The following FHIT variants were observed in gnomAD, a reference collection of about 807,000 sequenced individuals.
FHIT encodes the protein fragile histidine triad diadenosine triphosphatase.
A neutral mutation model predicts 17.9 loss-of-function variants in FHIT; 19 were observed. The ratio of observed to expected loss-of-function variants is 1.06; its 90% CI spans 0.74 to 1.56. FHIT has a LOEUF of 1.56. Among genes scored for constraint, FHIT ranks in the 40% most tolerant of loss-of-function variants. FHIT has a pLI of 0.00. For synonymous variants in FHIT, 81 were observed against 69.7 expected (o/e 1.16, Z -0.81); for missense variants, 248 against 189.2 (o/e 1.31, Z -1.82).
At chr3:59,981,831 T>C (rs1708667844) in intron 7 of FHIT, among the ~76,000 whole-genome samples, 1 of 152,156 alleles carries the variant, frequency 6.6e-6, no homozygotes, top group Non-Finnish European at 1.5e-5. Context: ...AATCATTTTC[T>C]GGAATTCAAG....
intron 5 of FHIT, among the ~76,000 whole-genome samples, chr3:60,359,017 G>C (rs1699788046): frequency 6.6e-6 from 1 of 152,148 alleles, no homozygotes. Context: ...TAAAACAAAA[G>C]CTCATTAAGT....
At position 60,259,959 on chromosome 3, in the gene FHIT, C is replaced by A. The variant is rs1020440255; in HGVS notation, c.104-245807G>T. 2.2e-4 allele frequency among the ~76,000 whole-genome samples: 34 copies of A among 151,946 alleles called. 1 individual carries two copies. Among genetic ancestry groups the A allele is most frequent in the Admixed American group, 8.5e-4 (13 of 15,220 alleles). On this transcript the variant is annotated intron_variant, in intron 5 of 9. Transcript: ENST00000492590. ...AGAGGCTGGGACCTAGCAATGGATA[C>A]CCCTGTACCACTGGGCCCCTTCCAG... is the stretch of plus-strand genomic sequence containing the variant.
chr3:60,865,118 A>AAAAT (rs1704098999), intron 3 of FHIT, among the ~76,000 whole-genome samples: 1 of 152,208 alleles, frequency 6.6e-6, no homozygotes, highest in Non-Finnish European at 1.5e-5. Context: ...AGAATCCCCC[A>AAAAT]AAATAAATAA....
At chr3:61,063,477 T>C (rs1029689903) in intron 2 of FHIT, among the ~76,000 whole-genome samples, 2 of 152,100 alleles carry the variant, frequency 1.3e-5, no homozygotes. Flanking sequence ...TAAAAATATA[T>C]ACCAGAAGAG....
chr3:60,550,507 T>A (rs1452948866), intron 4 of FHIT, among the ~76,000 whole-genome samples: 4 of 151,956 alleles, frequency 2.6e-5, no homozygotes, highest in Admixed American at 2.6e-4. Context: ...TCAAAGAAAA[T>A]CCAAAACCTC....
intron 5 of FHIT, among the ~76,000 whole-genome samples, chr3:60,494,608 C>T (rs920163840): frequency 6.6e-6 from 1 of 152,160 alleles, no homozygotes; most frequent in Non-Finnish European, 1.5e-5. Flanking sequence ...CCCACACCTC[C>T]CTGCCCACCA....
chr3:60,508,626 T>C (rs1275543144), intron 5 of FHIT, among the ~76,000 whole-genome samples: 2 of 152,138 alleles, frequency 1.3e-5, no homozygotes, highest in African/African-American at 4.8e-5. Context: ...AACAAAAAAA[T>C]AGATAATACA....
At chr3:60,428,166 A>G (rs1325672069) in intron 5 of FHIT, among the ~76,000 whole-genome samples, 1 of 152,158 alleles carries the variant, frequency 6.6e-6, no homozygotes, top group Non-Finnish European at 1.5e-5. Context: ...AGTCCAATAC[A>G]TGTAAGTTTC....
intron 4 of FHIT, among the ~76,000 whole-genome samples, chr3:60,625,523 A>T (rs1576993071): frequency 6.7e-6 from 1 of 148,460 alleles, no homozygotes; most frequent in South Asian, 2.1e-4. Flanking sequence ...GATGCTGAGT[A>T]TCTTTTTATG....
chr3:60,420,566 A>G (rs1702429348), intron 5 of FHIT, among the ~76,000 whole-genome samples: 1 of 152,138 alleles, frequency 6.6e-6, no homozygotes. Flanking sequence ...ATATATTATT[A>G]AGTTGTGCCT....
chr3:60,432,768 C>T (rs960765240), intron 5 of FHIT, among the ~76,000 whole-genome samples: 1 of 152,076 alleles, frequency 6.6e-6, no homozygotes, highest in Non-Finnish European at 1.5e-5. Flanking sequence ...TGCCAACCTA[C>T]CAATGTGCTT....
chr3:60,788,510 A>G (rs1349530994), intron 4 of FHIT, among the ~76,000 whole-genome samples: 5 of 152,156 alleles, frequency 3.3e-5, no homozygotes, highest in Non-Finnish European at 7.4e-5. Context: ...GTATATATGT[A>G]TGTTTAGTAG....
At chr3:61,090,593 A>G (rs1363290977) in intron 2 of FHIT, among the ~76,000 whole-genome samples, 2 of 152,146 alleles carry the variant, frequency 1.3e-5, no homozygotes, top group Non-Finnish European at 2.9e-5. Flanking sequence ...AGTGGGTGTC[A>G]ATTTTACTGG....
chr3:59,861,775 A>G (rs962299922), intron 8 of FHIT, among the ~76,000 whole-genome samples: 3 of 152,210 alleles, frequency 2.0e-5, no homozygotes, highest in Admixed American at 2.0e-4. Context: ...TCTCTCATCA[A>G]TATATTTTTA....
chr3:60,871,029 T>C (rs1427942787), intron 3 of FHIT, among the ~76,000 whole-genome samples: 1 of 152,108 alleles, frequency 6.6e-6, no homozygotes, highest in Non-Finnish European at 1.5e-5. Flanking sequence ...GATGGCACAA[T>C]AGGAGCACTG....
In FHIT at chr3:60,959,846, G is replaced by C. The variant is rs149334005; in HGVS notation, c.-111+82201C>G. Among the ~76,000 whole-genome samples, 996 of 148,164 alleles carry C rather than the reference G, an allele frequency of 6.7e-3. 13 individuals are homozygous for C. Among genetic ancestry groups the C allele is most frequent in the African/African-American group, 0.024 (958 of 40,072 alleles). Reference sequence around the variant, plus strand: ...TGTCAACACTGTTTGGTGTTTATTTGGTGAGCCTGAGGGCAATTTTCATTC... The same window carrying C: ...TGTCAACACTGTTTGGTGTTTATTTCGTGAGCCTGAGGGCAATTTTCATTC... On this transcript the variant is annotated intron_variant, in intron 3 of 9. Coordinates refer to ENST00000492590, the MANE Select transcript of FHIT (RefSeq NM_002012.4).
intron 2 of FHIT, among the ~76,000 whole-genome samples, chr3:61,084,741 TAG>T (rs1478505744): frequency 6.6e-6 from 1 of 152,174 alleles, no homozygotes; most frequent in Non-Finnish European, 1.5e-5. Context: ...TACATTTATA[TAG>T]TTATACAACC....
At chr3:60,799,197 A>G (rs2106649196) in intron 4 of FHIT, among the ~76,000 whole-genome samples, 1 of 151,724 alleles carries the variant, frequency 6.6e-6, no homozygotes, top group Non-Finnish European at 1.5e-5. Flanking sequence ...TTTTTGAGAC[A>G]GAGTTTCGCT....
chr3:60,187,800 C>G (rs553696390), intron 5 of FHIT, among the ~76,000 whole-genome samples: 1 of 152,284 alleles, frequency 6.6e-6, no homozygotes, highest in Admixed American at 6.5e-5. Flanking sequence ...CATTCATTTG[C>G]ATCTCTCTCT....
Sources: allele counts gnomAD v4.1 joint callset (sites outside exome capture counted in the v4.1 genomes callset), GRCh38; gene constraint gnomAD v4.1.1; transcripts MANE v1.5; gene names NCBI Gene and HGNC (gene_info 2026-07-23, HGNC 2026-07-21).